ALG14: variants seen among roughly 807,000 people sequenced by gnomAD.
ALG14 encodes the protein ALG14 UDP-N-acetylglucosaminyltransferase subunit.
ALG14 carries 17 observed loss-of-function variants against 22.8 expected under a neutral mutation model. The ratio of observed to expected loss-of-function variants is 0.75; its 90% confidence interval spans 0.51 to 1.12. ALG14 has a LOEUF of 1.12. Among genes scored for constraint, ALG14 ranks in the 50% most tolerant of loss-of-function variants. The probability of loss-of-function intolerance (pLI) is 0.00; values close to 1 mark genes in which losing one functional copy is unlikely to be tolerated. For missense variants in ALG14, 288 were observed against 271.8 expected (o/e 1.06, Z -0.42); for synonymous variants, 89 against 103.7 (o/e 0.86, Z 0.86).
At chr1:94,997,489 A>G (rs1672938570) in intron 3 of ALG14, among the ~76,000 whole-genome samples, 1 of 152,226 alleles carries the variant, frequency 6.6e-6, no homozygotes, top group African/African-American at 2.4e-5. Context: ...CCTAATTGCA[A>G]ACAAGATGGG....
intron 1 of ALG14, among the ~76,000 whole-genome samples, chr1:95,070,946 G>T (rs758682959): frequency 1.3e-5 from 2 of 151,962 alleles, no homozygotes; most frequent in Admixed American, 6.6e-5. Context: ...TCACTATGTT[G>T]CCCAGGCTGG....
Position 95,025,528 on chromosome 1 carries a change from C to T in ALG14, c.420+1601G>A, listed in dbSNP as rs562985416. On this transcript the variant is annotated intron_variant, in intron 3 of 3. Transcript: ENST00000370205. Reference sequence around the variant, plus strand: ...CCAGCTATTGACTTCTCTTTAGCCACGAGAGTCCTGAATGACATCGTCGAA... The same window carrying T: ...CCAGCTATTGACTTCTCTTTAGCCATGAGAGTCCTGAATGACATCGTCGAA... Among the ~76,000 whole-genome samples the T allele has an allele frequency of 4.1e-4, 63 of 152,328 alleles. 3 individuals carry two copies. The highest frequency in any genetic ancestry group is 3.3e-3 in the South Asian group (16 of 4,814).
intron 2 of ALG14, among the ~76,000 whole-genome samples, chr1:95,058,645 C>A (rs2100828615): frequency 4.2e-5 from 6 of 143,416 alleles, no homozygotes; most frequent in African/African-American, 2.6e-5. Flanking sequence ...AAGATACTTT[C>A]AGAGCTGAAA....
chr1:95,022,932 T>G (rs1317110666), intron 3 of ALG14, among the ~76,000 whole-genome samples: 1 of 152,160 alleles, frequency 6.6e-6, no homozygotes, highest in Non-Finnish European at 1.5e-5. Context: ...GGTTCTGGCA[T>G]GTCAACAATT....
chr1:95,004,188 C>T (rs1019906532), intron 3 of ALG14, among the ~76,000 whole-genome samples: 2 of 151,360 alleles, frequency 1.3e-5, no homozygotes, highest in African/African-American at 2.4e-5. Context: ...AAACTCCAGC[C>T]GCTGACTCCA....
At chr1:94,999,143 GAA>G (rs1287160976) in intron 3 of ALG14, among the ~76,000 whole-genome samples, 2 of 151,922 alleles carry the variant, frequency 1.3e-5, no homozygotes, top group Non-Finnish European at 2.9e-5. Context: ...TAAAAACTAT[GAA>G]ACATCCTTAT....
chr1:95,007,879 C>A (rs1673260790), intron 3 of ALG14, among the ~76,000 whole-genome samples: 1 of 152,208 alleles, frequency 6.6e-6, no homozygotes, highest in South Asian at 2.1e-4. Context: ...TTTCAACATG[C>A]CTTTACAGCT....
In ALG14 at chr1:94,977,420, G is replaced by T. The variant is rs1028202511; in HGVS notation, c.*5656C>A. 6.6e-6 allele frequency: 1 copy of T among 152,078 alleles called. No individual in the cohort carries two copies. The highest frequency in any genetic ancestry group is 1.5e-5 in the Non-Finnish European group (1 of 68,016). The allele number at this position is 152,078 out of a possible 1,614,324, so 9.4% of individuals were successfully genotyped here. ...GGGGAGTCTTCAAGACGTTTTTAGG[G>T]GTTTATGAGGTCAAAACTATTTTCA... On this transcript the variant is annotated 3_prime_UTR_variant, in exon 4 of 4. Coordinates refer to ENST00000370205, the MANE Select transcript of ALG14 (RefSeq NM_144988.4).
Position 94,978,825 on chromosome 1 carries a change from A to T in ALG14, c.*4251T>A, listed in dbSNP as rs575072187. 2 of 143,702 alleles carry T rather than the reference A, an allele frequency of 1.4e-5. No homozygotes were observed. The highest frequency in any genetic ancestry group is 4.4e-4 in the East Asian group (2 of 4,552). 8.9% of individuals were successfully genotyped at this position (143,702 alleles called of 1,614,324 possible). ...TTACCCCATTTATTTCCTTTTGAGG[A>T]CATTTTTTCTTTTTTCTTTAAAAAA... is the stretch of plus-strand genomic sequence containing the variant. On this transcript the variant is annotated 3_prime_UTR_variant, in exon 4 of 4. Coordinates refer to ENST00000370205, the MANE Select transcript of ALG14 (RefSeq NM_144988.4).
At chr1:94,990,053 C>T (rs952792125) in intron 3 of ALG14, among the ~76,000 whole-genome samples, 14 of 151,846 alleles carry the variant, frequency 9.2e-5, no homozygotes, top group East Asian at 1.9e-4. Flanking sequence ...CTCCAGGGTA[C>T]GGAAAGGATA....
intron 3 of ALG14, among the ~76,000 whole-genome samples, chr1:95,013,649 C>T (rs1315976490): frequency 1.3e-5 from 2 of 152,080 alleles, no homozygotes; most frequent in African/African-American, 4.8e-5. Context: ...AAAAATACAG[C>T]AACCAGGATC....
chr1:95,034,476 C>T (rs962502574), intron 2 of ALG14, among the ~76,000 whole-genome samples: 1 of 152,158 alleles, frequency 6.6e-6, no homozygotes, highest in African/African-American at 2.4e-5. Context: ...TTCTAGAAGT[C>T]TAGTCCATGC....
At chr1:95,035,218 CTT>C (rs773275475) in intron 2 of ALG14, among the ~76,000 whole-genome samples, 1 of 152,170 alleles carries the variant, frequency 6.6e-6, no homozygotes, top group African/African-American at 2.4e-5. Flanking sequence ...TTCTCTGTCT[CTT>C]TCTCTCTTCT....
At chr1:95,065,680 C>T (rs1675336297) in intron 1 of ALG14, among the ~76,000 whole-genome samples, 1 of 152,174 alleles carries the variant, frequency 6.6e-6, no homozygotes, top group Admixed American at 6.5e-5. Context: ...GAGCGCTGAT[C>T]AGCAGGGCTT....
In ALG14 at chr1:95,072,820, G is replaced by A. The variant is rs1415210510; in HGVS notation, c.79C>T (p.Arg27Cys). 1.3e-5 allele frequency: 21 copies of A among 1,614,152 alleles called. No individual in the cohort carries two copies. Among genetic ancestry groups the A allele is most frequent in the Non-Finnish European group, 1.7e-5 (20 of 1,180,040 alleles). The change falls in exon 1 of 4, where the codon CGT becomes TGT. Residue 27 changes from arginine to cysteine, a missense_variant. By Grantham distance (180) the Arg-to-Cys change is radical. Transcript: ENST00000370205. The stretch of plus-strand genomic sequence containing the variant: ...TCCCGGGGCGTAACGTCCATGGAAC[G>A]AAGCACTACCCATATTCGCAGGATT... ...FLILRIWVVL[R>C]SMDVTPRESL... is the part of the protein sequence containing the mutation.
At chr1:95,043,773 C>T (rs752166660) in intron 2 of ALG14, among the ~76,000 whole-genome samples, 2 of 146,220 alleles carry the variant, frequency 1.4e-5, no homozygotes, top group Non-Finnish European at 3.0e-5. Context: ...GGAGAAGGAG[C>T]GAGGAGGGGG....
At position 94,976,468 on chromosome 1, in the gene ALG14, G is replaced by C. The variant is rs766432036; in HGVS notation, c.*6608C>G. 7 of 152,162 alleles carry C rather than the reference G, an allele frequency of 4.6e-5. No individual in the cohort carries two copies. Among genetic ancestry groups the C allele is most frequent in the Non-Finnish European group, 7.3e-5 (5 of 68,062 alleles). 9.4% of individuals were successfully genotyped at this position (152,162 alleles called of 1,614,324 possible). On this transcript the variant is annotated 3_prime_UTR_variant, in exon 4 of 4. Transcript: ENST00000370205. ...AGCACTTTGGGAAGCCGAGGTGGGC[G>C]GATCACTTGAGCCCAGGAGTTCGAG...
rs906425183 is a variant in ALG14, at chr1:95,032,840, C to T, written c.289-5580G>A. ...TGTCCTGTGTCATTTAAAGGAAACA[C>T]TGAGAGCCAGGCTGTGGCAAAATCT... On this transcript the variant is annotated intron_variant, in intron 2 of 3. Coordinates refer to ENST00000370205, the MANE Select transcript of ALG14 (RefSeq NM_144988.4). 1.1e-4 allele frequency among the ~76,000 whole-genome samples: 17 copies of T among 152,152 alleles called. 1 individual carries two copies.
intron 2 of ALG14, among the ~76,000 whole-genome samples, chr1:95,063,336 C>T (rs1402159333): frequency 6.6e-6 from 1 of 152,104 alleles, no homozygotes; most frequent in Non-Finnish European, 1.5e-5. Context: ...GTTGCAATTG[C>T]TTTTGGCATT....
Sources: gnomAD v4.1 joint callset for allele counts (sites outside exome capture counted in the v4.1 genomes callset) on GRCh38, gnomAD v4.1.1 for gene constraint, MANE v1.5 for transcripts, NCBI Gene and HGNC (gene_info 2026-07-23, HGNC 2026-07-21) for gene names.